FGF13: variants seen among roughly 807,000 people sequenced by gnomAD.
FGF13 encodes fibroblast growth factor 13.
Under a neutral mutation model 19.5 loss-of-function variants are expected in FGF13, and 2 were observed. The ratio of observed to expected loss-of-function variants is 0.10; its 90% CI spans 0.04 to 0.32. The LOEUF (loss-of-function observed/expected upper bound fraction) is 0.32, where lower values mean the gene tolerates loss of function less well. FGF13 is among the 10% of genes least tolerant of loss of function. FGF13 has a pLI of 1.00. For synonymous variants in FGF13, 72 were observed against 76.9 expected, an observed-to-expected ratio of 0.94 and a Z score of 0.33; for missense variants, 113 against 192.7, an observed-to-expected ratio of 0.59 and a Z score of 2.45.
At chrX:139,130,174 C>T (rs2083750423) in intron 1 of FGF13, among the ~76,000 whole-genome samples, 1 of 111,676 alleles carries the variant, frequency 9.0e-6, no homozygotes, top group African/African-American at 3.3e-5. Flanking sequence ...ATAAAATAAC[C>T]CACTGGGACT....
upstream of FGF13, chrX:138,739,376 C>T (rs2090303782): frequency 7.2e-6 from 6 of 835,647 alleles, no homozygotes; most frequent in Admixed American, 2.9e-5. Context: ...AAGTATTCTC[C>T]AAGGTAATGG....
chrX:138,874,855 A>G (rs1467151938), intron 1 of FGF13, among the ~76,000 whole-genome samples: 1 of 111,806 alleles, frequency 8.9e-6, no homozygotes, highest in Non-Finnish European at 1.9e-5. Context: ...AAATAGACAG[A>G]GGAGGCAATA....
At chrX:139,089,630 C>A (rs962353785) in intron 1 of FGF13, among the ~76,000 whole-genome samples, 1 of 111,621 alleles carries the variant, frequency 9.0e-6, no homozygotes, top group Non-Finnish European at 1.9e-5. Context: ...TTCATCTCAA[C>A]TGAAATCCTG....
intron 3 of FGF13, among the ~76,000 whole-genome samples, chrX:138,645,496 C>T (rs1440157238): frequency 8.9e-6 from 1 of 112,116 alleles, no homozygotes; most frequent in Non-Finnish European, 1.9e-5. Flanking sequence ...CGTGTGTTTT[C>T]TGATCCTGCA....
At chrX:138,919,869 GA>G (rs1293154861) in intron 1 of FGF13, among the ~76,000 whole-genome samples, 2 of 110,688 alleles carry the variant, frequency 1.8e-5, no homozygotes, top group African/African-American at 3.3e-5. Flanking sequence ...TTTAACTGGT[GA>G]AATCTGGGAA....
In FGF13 at chrX:138,623,482, TAA is replaced by T. The variant is rs956131471; in HGVS notation, c.*9366_*9367del. 2 of 111,373 alleles carry T rather than the reference TAA, an allele frequency of 1.8e-5. No homozygotes were observed. The highest frequency in any genetic ancestry group is 6.5e-5 in the African/African-American group (2 of 30,589). 9.2% of individuals were successfully genotyped at this position (111,373 alleles called of 1,213,427 possible). A position where few individuals can be genotyped will look rare whatever the true frequency, so the allele number is the denominator to read the frequency against. ...CACTAACAATGAACTATCCAAAAAA[TAA>T]ATTAGTGGCTGGGTGCAGTGGCTCA... On this transcript the variant is annotated 3_prime_UTR_variant, in exon 5 of 5. Coordinates refer to ENST00000315930, the MANE Select transcript of FGF13 (RefSeq NM_004114.5).
At chrX:139,169,913 T>A (rs2084116336) in intron 1 of FGF13, among the ~76,000 whole-genome samples, 1 of 111,270 alleles carries the variant, frequency 9.0e-6, no homozygotes, top group Non-Finnish European at 1.9e-5. Flanking sequence ...AGCACATGAA[T>A]CTTTTCAGGG....
intron 3 of FGF13, among the ~76,000 whole-genome samples, chrX:138,675,922 T>C (rs1473410798): frequency 1.8e-5 from 2 of 111,919 alleles, no homozygotes; most frequent in Non-Finnish European, 3.8e-5. Context: ...ATGTTCATCT[T>C]TGGTAGGGAA....
intron 3 of FGF13, among the ~76,000 whole-genome samples, chrX:138,801,190 G>T (rs2123996826): frequency 8.9e-6 from 1 of 112,467 alleles, no homozygotes; most frequent in Non-Finnish European, 1.9e-5. Flanking sequence ...CAGCATTTTT[G>T]TGCTGGTTTT....
intron 1 of FGF13, among the ~76,000 whole-genome samples, chrX:139,044,488 C>G (rs899839630): frequency 9.0e-6 from 1 of 111,493 alleles, no homozygotes; most frequent in East Asian, 2.8e-4. Context: ...CACCAGGTCC[C>G]GTCTCCAGCA....
chrX:138,992,486 C>T (rs995556480), intron 1 of FGF13, among the ~76,000 whole-genome samples: 1 of 111,108 alleles, frequency 9.0e-6, no homozygotes, highest in African/African-American at 3.3e-5. Flanking sequence ...TTCATTTTTA[C>T]ACTTATTTAG....
At chrX:139,051,634 T>C (rs1392437953) in intron 1 of FGF13, among the ~76,000 whole-genome samples, 2 of 112,353 alleles carry the variant, frequency 1.8e-5, no homozygotes, top group African/African-American at 6.5e-5. Context: ...ATCCACAACA[T>C]TAAAGTGACT....
chrX:138,878,325 C>T (rs1396414737), intron 1 of FGF13, among the ~76,000 whole-genome samples: 1 of 81,756 alleles, frequency 1.2e-5, no homozygotes, highest in Non-Finnish European at 2.3e-5. Flanking sequence ...CAACAGTCCC[C>T]AGAGTGTGAT....
At chrX:138,811,239 T>C (rs1429284094) in intron 3 of FGF13, among the ~76,000 whole-genome samples, 2 of 111,480 alleles carry the variant, frequency 1.8e-5, no homozygotes, top group Non-Finnish European at 3.8e-5. Context: ...ATGTGGCACA[T>C]ATACACCATG....
chrX:139,000,404 T>C (rs942104895), intron 1 of FGF13, among the ~76,000 whole-genome samples: 2 of 112,037 alleles, frequency 1.8e-5, no homozygotes, highest in Non-Finnish European at 3.8e-5. Flanking sequence ...TTGTTTCTGT[T>C]TGCAGATGGT....
intron 1 of FGF13, among the ~76,000 whole-genome samples, chrX:138,914,769 A>G (rs191465721): frequency 6.9e-4 from 77 of 110,843 alleles, no homozygotes; most frequent in Non-Finnish European, 1.3e-3. Flanking sequence ...TGCAGAGAAA[A>G]GGAAGTAGTA....
At chrX:139,177,388 G>A (rs190336817) in intron 1 of FGF13, among the ~76,000 whole-genome samples, 292 of 109,978 alleles carry the variant, frequency 2.7e-3, no homozygotes, top group Middle Eastern at 4.6e-3. Flanking sequence ...TTGCCAGTCT[G>A]TGTCTTTTAA....
chrX:139,173,413 A>T (rs1473844794), intron 1 of FGF13, among the ~76,000 whole-genome samples: 1 of 110,317 alleles, frequency 9.1e-6, no homozygotes, highest in African/African-American at 3.3e-5. Flanking sequence ...AAATGTTTTT[A>T]AAATTATACT....
intron 1 of FGF13, among the ~76,000 whole-genome samples, chrX:138,892,169 A>C (rs1338529895): frequency 9.0e-6 from 1 of 110,927 alleles, no homozygotes; most frequent in Non-Finnish European, 1.9e-5. Flanking sequence ...TTATTACCCA[A>C]ATATGTGGTA....
Sources: gnomAD v4.1 joint callset for allele counts (sites outside exome capture counted in the v4.1 genomes callset) on GRCh38, gnomAD v4.1.1 for gene constraint, MANE v1.5 for transcripts, NCBI Gene and HGNC (gene_info 2026-07-23, HGNC 2026-07-21) for gene names.